CLYBL: variants seen among roughly 807,000 people sequenced by gnomAD.
The protein encoded by CLYBL is citramalyl-CoA lyase.
Under a neutral mutation model 38.9 loss-of-function variants are expected in CLYBL, and 31 were observed. The ratio of observed to expected loss-of-function variants is 0.80; its 90% CI spans 0.60 to 1.08. CLYBL has a LOEUF of 1.08. Among genes scored for constraint, CLYBL ranks in the 50% least tolerant of loss-of-function variants. CLYBL has a pLI of 0.00. For synonymous variants in CLYBL, 171 were observed against 158.6 expected (o/e 1.08, Z -0.59); for missense variants, 434 against 411.6 (o/e 1.05, Z -0.47).
chr13:99,671,796 T>TAA (rs368608266), intron 1 of CLYBL, among the ~76,000 whole-genome samples: 1,903 of 139,152 alleles, frequency 0.014, 38 homozygotes, highest in African/African-American at 0.051. Flanking sequence ...AAAAAAAAAA[T>TAA]AATAAAAGCT....
At chr13:99,871,275 C>G (rs2051888907) in intron 7 of CLYBL, among the ~76,000 whole-genome samples, 1 of 152,140 alleles carries the variant, frequency 6.6e-6, no homozygotes, top group African/African-American at 2.4e-5. Context: ...GCTCTCAAGT[C>G]CCTCATTTTA....
At chr13:99,873,306 T>C (rs1260094353) in intron 7 of CLYBL, among the ~76,000 whole-genome samples, 6 of 152,194 alleles carry the variant, frequency 3.9e-5, no homozygotes, top group Non-Finnish European at 5.9e-5. Flanking sequence ...ATAATGTGGG[T>C]TCTGTTTGTA....
At chr13:99,880,065 TA>T (rs1242567686) in intron 7 of CLYBL, among the ~76,000 whole-genome samples, 258 of 62,820 alleles carry the variant, frequency 4.1e-3, no homozygotes, top group Middle Eastern at 7.2e-3. Context: ...TATATATATA[TA>T]TATTTTTTTT....
chr13:99,787,467 C>T (rs1205134008), intron 2 of CLYBL, among the ~76,000 whole-genome samples: 7 of 152,112 alleles, frequency 4.6e-5, no homozygotes, highest in Non-Finnish European at 1.5e-5. Flanking sequence ...ATCCTTTCCC[C>T]ATTTCTTGTT....
At chr13:99,735,917 T>C (rs1489875646) in intron 1 of CLYBL, among the ~76,000 whole-genome samples, 1 of 152,130 alleles carries the variant, frequency 6.6e-6, no homozygotes, top group African/African-American at 2.4e-5. Context: ...CGATTTCAGT[T>C]AATACAAAAT....
At chr13:99,754,866 A>C (rs1297824430) in intron 1 of CLYBL, among the ~76,000 whole-genome samples, 1 of 147,646 alleles carries the variant, frequency 6.8e-6, no homozygotes, top group East Asian at 2.0e-4. Context: ...TGCTGGAATT[A>C]CAGGCATGAG....
intron 1 of CLYBL, among the ~76,000 whole-genome samples, chr13:99,769,262 T>G (rs373793160): frequency 6.6e-6 from 1 of 152,262 alleles, no homozygotes; most frequent in African/African-American, 2.4e-5. Flanking sequence ...TGACCAAAAT[T>G]AACTACTATT....
chr13:99,797,556 C>CTCTGTGTGTGTGTGTGTG lies in CLYBL; in HGVS notation c.249+24547_249+24548insCTGTGTGTGTGTGTGTGT, dbSNP rs775220789. Among the ~76,000 whole-genome samples the CTCTGTGTGTGTGTGTGTG allele has an allele frequency of 4.8e-4, 18 of 37,514 alleles. No individual in the cohort carries two copies. In the East Asian group the frequency reaches 0.012, roughly 24 times the overall value. 24.6% of individuals were successfully genotyped at this position (37,514 alleles called of 152,430 possible). On this transcript the variant is annotated intron_variant, in intron 2 of 8. Coordinates refer to ENST00000339105, the MANE Select transcript of CLYBL (RefSeq NM_206808.5). ...AAGATTTCTGTGTCTGCCATGTTAG[C>CTCTGTGTGTGTGTGTGTG]TGTTTGTGTGTGTGTGTGTGTGTGT...
intron 1 of CLYBL, among the ~76,000 whole-genome samples, chr13:99,679,681 A>C (rs1306134663): frequency 6.6e-6 from 1 of 152,170 alleles, no homozygotes; most frequent in African/African-American, 2.4e-5. Flanking sequence ...GAGTAACCAC[A>C]ATCCACTTTA....
chr13:99,707,948 C>T (rs2048170795), intron 1 of CLYBL, among the ~76,000 whole-genome samples: 1 of 152,110 alleles, frequency 6.6e-6, no homozygotes, highest in Admixed American at 6.6e-5. Flanking sequence ...TCACCCTGGA[C>T]TTAGGGACTC....
intron 2 of CLYBL, among the ~76,000 whole-genome samples, chr13:99,788,919 T>G (rs1374930453): frequency 6.6e-6 from 1 of 152,190 alleles, no homozygotes; most frequent in Admixed American, 6.5e-5. Flanking sequence ...TTCTTCCTGG[T>G]TTAGTCTTGG....
At chr13:99,662,379 T>C (rs2047421008) in intron 1 of CLYBL, among the ~76,000 whole-genome samples, 2 of 152,216 alleles carry the variant, frequency 1.3e-5, no homozygotes, top group South Asian at 4.1e-4. Context: ...AGATTCTAAA[T>C]CTCTTCTAGT....
intron 2 of CLYBL, among the ~76,000 whole-genome samples, chr13:99,775,301 A>G (rs1466621273): frequency 1.3e-5 from 2 of 152,204 alleles, no homozygotes; most frequent in African/African-American, 4.8e-5. Flanking sequence ...TTCCGAAGCC[A>G]TCCTTATCTC....
intron 1 of CLYBL, among the ~76,000 whole-genome samples, chr13:99,697,664 T>TC (rs1476226762): frequency 1.3e-5 from 2 of 149,274 alleles, no homozygotes; most frequent in African/African-American, 4.9e-5. Flanking sequence ...TTTCTTTCTT[T>TC]TTTTTTTTTT....
chr13:99,864,847 G>C lies in CLYBL; in HGVS notation c.570G>C (p.Gly190=). ...TGTGTGAAGAAACCCTGAAGGTCGG[G>C]CCTCAAGTAGGTCTCTTTCTAGATG... ...KAVCEETLKV[G]PQVGLFLDAV... is the part of the protein sequence containing the mutation. Residue 190 remains glycine (G), a synonymous_variant, in exon 5 of 9, where the codon GGG becomes GGC. Coordinates refer to ENST00000339105, the MANE Select transcript of CLYBL (RefSeq NM_206808.5). 6.2e-7 allele frequency: 1 copy of C among 1,613,974 alleles called. No homozygotes were observed. The highest frequency in any genetic ancestry group is 8.5e-7 in the Non-Finnish European group (1 of 1,179,910).
intron 1 of CLYBL, among the ~76,000 whole-genome samples, chr13:99,633,612 G>A (rs1042509742): frequency 6.6e-6 from 1 of 151,972 alleles, no homozygotes; most frequent in African/African-American, 2.4e-5. Context: ...GGAGGGAATG[G>A]GAAGTGATTG....
At chr13:99,837,349 G>T (rs999212078) in intron 2 of CLYBL, among the ~76,000 whole-genome samples, 5 of 152,180 alleles carry the variant, frequency 3.3e-5, no homozygotes, top group Non-Finnish European at 7.3e-5. Flanking sequence ...AATTGTGGGG[G>T]TGAGGTGGGT....
At chr13:99,866,516 T>A in intron 6 of CLYBL, 109 bp downstream of exon 6, 2 of 864,364 alleles carry the variant, frequency 2.3e-6, no homozygotes, top group South Asian at 4.7e-5. Flanking sequence ...CCATACTTAC[T>A]CCACTATTTG....
chr13:99,632,520 T>C (rs749387137), intron 1 of CLYBL, among the ~76,000 whole-genome samples: 5 of 152,188 alleles, frequency 3.3e-5, no homozygotes, highest in Admixed American at 6.5e-5. Flanking sequence ...GGCAGACGGA[T>C]TGCCTGAGGT....
Sources: gnomAD v4.1 joint callset for allele counts (sites outside exome capture counted in the v4.1 genomes callset) on GRCh38, gnomAD v4.1.1 for gene constraint, MANE v1.5 for transcripts, NCBI Gene and HGNC (gene_info 2026-07-23, HGNC 2026-07-21) for gene names.